Variants in CAMSAP3 observed in about 807,000 individuals in gnomAD.
CAMSAP3 encodes calmodulin-regulated spectrin-associated protein 3.
A neutral mutation model predicts 112.5 loss-of-function variants in CAMSAP3; 34 were observed. The observed-to-expected ratio is 0.30, with a 90% CI of 0.23 to 0.40. The LOEUF (loss-of-function observed/expected upper bound fraction) is 0.40. Ranked by LOEUF, CAMSAP3 falls within the 10% of genes least tolerant of loss-of-function variation. The probability of loss-of-function intolerance (pLI) is 1.00; values close to 1 mark genes in which losing one functional copy is unlikely to be tolerated. For synonymous variants in CAMSAP3, 868 were observed against 799.8 expected (o/e 1.09, Z -1.44); for missense variants, 1,602 against 1,770.3 (o/e 0.90, Z 1.71).
At chr19:7,606,209 T>TG in intron 2 of CAMSAP3, 62 bp from the exon 3 acceptor site, 1 of 1,347,934 alleles carries the variant, frequency 7.4e-7, no homozygotes, top group Non-Finnish European at 9.8e-7. Flanking sequence ...CCCAGGCCCT[T>TG]GGGGGCCGAG....
At chr19:7,598,830 C>A (rs529426182) in intron 1 of CAMSAP3, among the ~76,000 whole-genome samples, 1 of 151,958 alleles carries the variant, frequency 6.6e-6, no homozygotes, top group Non-Finnish European at 1.5e-5. Context: ...GAAAACACCC[C>A]ATGCAGTTCT....
rs369036309 is a variant in CAMSAP3 at position 7,610,643 on chromosome 19, C to T, written c.900+28C>T. On this transcript the variant is annotated intron_variant, in intron 6 of 16. Transcript: ENST00000160298. This position sits in a 1 kb window ranked among gnomAD's most constrained non-coding sequence, Gnocchi z 4.9. ...AAGGCCATCCTGGGGCCTCCTGGGC[C>T]GAGGCGGGCATCTGGGGCCAGGGGT... 5.4e-5 allele frequency: 87 copies of T among 1,613,630 alleles called. No individual in the cohort carries two copies. Among genetic ancestry groups the T allele is most frequent in the African/African-American group, 2.1e-4 (16 of 74,952 alleles).
Position 7,617,216 on chromosome 19 carries a change from C to T in CAMSAP3, c.3213-110C>T, listed in dbSNP as rs989065646. 25 of 785,516 alleles carry T rather than the reference C, an allele frequency of 3.2e-5. No individual in the cohort carries two copies. Among genetic ancestry groups the T allele is most frequent in the Non-Finnish European group, 4.3e-5 (19 of 446,228 alleles). The allele number at this position is 785,516 out of a possible 1,614,324, so 48.7% of individuals were successfully genotyped here. Reference sequence around the variant, plus strand: ...ACAGGCATGAGCCACGATGCCCAGCCGTGGCCCTTATTTTCCTTGGCCCCT... The same window carrying T: ...ACAGGCATGAGCCACGATGCCCAGCTGTGGCCCTTATTTTCCTTGGCCCCT... On this transcript the variant is annotated intron_variant, in intron 14 of 16. Transcript: ENST00000160298. The surrounding 1 kb of genome is among the most constrained non-coding windows in gnomAD (Gnocchi z 7.5).
chr19:7,611,114 C>T lies in CAMSAP3; in HGVS notation c.1069C>T (p.Arg357Cys), dbSNP rs184572684. 45 of 1,613,760 alleles carry T rather than the reference C, an allele frequency of 2.8e-5. No individual in the cohort carries two copies. The highest frequency in any genetic ancestry group is 2.3e-4 in the South Asian group (21 of 91,084). ...SGSSSPVFTF[R>C]HPLLSSGGPQ... The stretch of plus-strand genomic sequence containing the variant: ...GTACAGTTCTCCTGTCTTCACCTTC[C>T]GCCACCCGCTTCTGTCATCTGGTGG... Residue 357 changes from arginine to cysteine, a missense_variant, in exon 9 of 17, where the codon CGC becomes TGC. This residue lies in a region of CAMSAP3 where 1,100 missense variants were observed against 1,135.7 expected (regional missense o/e 0.97). Transcript: ENST00000160298. The surrounding 1 kb of genome is among the most constrained non-coding windows in gnomAD (Gnocchi z 6.9).
At chr19:7,603,331 C>A (rs576125562) in intron 1 of CAMSAP3, among the ~76,000 whole-genome samples, 19 of 151,868 alleles carry the variant, frequency 1.3e-4, no homozygotes, top group African/African-American at 4.6e-4. Context: ...TCTCCGGCCT[C>A]GGCTTCCCGA....
In CAMSAP3 at chr19:7,612,961, G is replaced by A. The variant is rs768879606; in HGVS notation, c.2468G>A (p.Arg823His). The change falls in exon 11 of 17, where the codon CGC becomes CAC. Residue 823 changes from arginine to histidine, a missense_variant. Arg to His is a conservative substitution (Grantham distance 29, BLOSUM62 0). Transcript: ENST00000160298. ...CCGAGCCAGGTGCCCGTGCAGACGCGCTCTTCCATCCTCCTGGCGGAGGAG... is the reference window on the plus strand; with the variant it reads ...CCGAGCCAGGTGCCCGTGCAGACGCACTCTTCCATCCTCCTGGCGGAGGAG... ...FSPSQVPVQT[R>H]SSILLAEETP... The A allele has an allele frequency of 5.6e-6, 9 of 1,605,268 alleles. No homozygotes were observed. The highest frequency in any genetic ancestry group is 2.7e-5 in the African/African-American group (2 of 74,558).
Position 7,615,718 on chromosome 19 carries a change from G to C in CAMSAP3, c.3111G>C (p.Leu1037=). ...CACGAAGCCCAGCCCGCGGCCTGCT[G>C]GGTGAGGACCCTTGGGGGACGGGGC... ...ALARSPARGL[L]GSRLSKIYSQ... The change falls in exon 13 of 17, where the codon CTG becomes CTC. Residue 1037 remains leucine, a splice_region_variant and synonymous_variant. Transcript: ENST00000160298. This position sits in a 1 kb window ranked among gnomAD's most constrained non-coding sequence, Gnocchi z 6.5. 1 of 1,403,468 alleles carries C rather than the reference G, an allele frequency of 7.1e-7. No homozygotes were observed. The highest frequency in any genetic ancestry group is 9.2e-7 in the Non-Finnish European group (1 of 1,085,600). The allele number at this position is 1,403,468 out of a possible 1,614,324, so 86.9% of individuals were successfully genotyped here. A position where few individuals can be genotyped will look rare whatever the true frequency, so the allele number is the denominator to read the frequency against.
chr19:7,606,676 GAC>G, intron 4 of CAMSAP3, 105 bp downstream of exon 4: 2 of 1,561,332 alleles, frequency 1.3e-6, no homozygotes, highest in African/African-American at 1.4e-5. Flanking sequence ...GGCTAGAGGT[GAC>G]ACACTCTCTC....
intron 1 of CAMSAP3, among the ~76,000 whole-genome samples, chr19:7,597,121 C>T (rs1199708902): frequency 6.6e-6 from 1 of 152,162 alleles, no homozygotes; most frequent in Non-Finnish European, 1.5e-5. Flanking sequence ...ACATCCTTTT[C>T]TCCCACTGGT....
chr19:7,610,671 C>T lies in CAMSAP3; in HGVS notation c.901-29C>T, dbSNP rs752090872. 17 of 1,613,778 alleles carry T rather than the reference C, an allele frequency of 1.1e-5. No individual in the cohort carries two copies. Among genetic ancestry groups the T allele is most frequent in the South Asian group, 4.4e-5 (4 of 91,090 alleles). On this transcript the variant is annotated intron_variant, in intron 6 of 16. Coordinates refer to ENST00000160298, the MANE Select transcript of CAMSAP3 (RefSeq NM_020902.2). The surrounding 1 kb of genome is among the most constrained non-coding windows in gnomAD (Gnocchi z 4.9). The stretch of plus-strand genomic sequence containing the variant: ...GGCGGGCATCTGGGGCCAGGGGTCC[C>T]GTCTGCTGACCCGGCCTCCCACCTC...
intron 2 of CAMSAP3, 94 bp from the exon 3 acceptor site, chr19:7,606,177 C>CCCA: frequency 8.7e-7 from 1 of 1,148,662 alleles, no homozygotes; most frequent in Non-Finnish European, 1.2e-6. Flanking sequence ...CAAGTCCCTC[C>CCCA]CATCTGCAGG....
rs774824838 is a variant in CAMSAP3, at chr19:7,605,374, C to T, written c.297C>T (p.Pro99=). Residue 99 remains proline, a synonymous_variant, in exon 2 of 17, where the codon CCC becomes CCT. Transcript: ENST00000160298. The part of the protein sequence containing the change: ...RQALPQLETP[P]NPSALLALLA... ...CACTGCCACAGCTTGAAACACCCCC[C>T]AACCCCTCTGCACTGCTGGCCCTGC... 1.3e-6 allele frequency: 2 copies of T among 1,592,082 alleles called. No individual in the cohort carries two copies. Among genetic ancestry groups the T allele is most frequent in the Admixed American group, 1.7e-5 (1 of 57,954 alleles).
At chr19:7,609,420 C>T (rs2030368180) in intron 5 of CAMSAP3, among the ~76,000 whole-genome samples, 1 of 151,984 alleles carries the variant, frequency 6.6e-6, no homozygotes, top group African/African-American at 2.4e-5. Flanking sequence ...CTCAGCCTCC[C>T]CAAGTGCTAA....
At chr19:7,606,898 G>A in intron 4 of CAMSAP3, 2 of 1,441,282 alleles carry the variant, frequency 1.4e-6, no homozygotes, top group East Asian at 2.3e-5. Flanking sequence ...CTGTCTGCGC[G>A]CCCTCTCATA....
chr19:7,606,924 A>G (rs2030256665), intron 4 of CAMSAP3: 3 of 1,163,852 alleles, frequency 2.6e-6, no homozygotes, highest in African/African-American at 1.5e-5. Flanking sequence ...CCAAGCTGTG[A>G]GCAAAGGAGG....
chr19:7,609,557 G>A (rs1468373745), intron 5 of CAMSAP3, among the ~76,000 whole-genome samples: 1 of 152,102 alleles, frequency 6.6e-6, no homozygotes, highest in African/African-American at 2.4e-5. Context: ...TCCAGGGACC[G>A]GTTTTGTGGA....
chr19:7,611,771 C>G lies in CAMSAP3; in HGVS notation c.1278C>G (p.Leu426=). ...DVDVVMGDPV[L]LRSVSSDSLG... Reference sequence around the variant, plus strand: ...ATGTCGTCATGGGAGACCCTGTGCTCCTCCGCTCTGTGAGCTCGGACAGCC... The same window carrying G: ...ATGTCGTCATGGGAGACCCTGTGCTGCTCCGCTCTGTGAGCTCGGACAGCC... The change falls in exon 11 of 17, where the codon CTC becomes CTG. Residue 426 remains leucine (L), a synonymous_variant. Coordinates refer to ENST00000160298, the MANE Select transcript of CAMSAP3 (RefSeq NM_020902.2). The surrounding 1 kb of genome is among the most constrained non-coding windows in gnomAD (Gnocchi z 6.9). 2.5e-6 allele frequency: 4 copies of G among 1,595,640 alleles called. No homozygotes were observed. Among genetic ancestry groups the G allele is most frequent in the Non-Finnish European group, 3.4e-6 (4 of 1,171,358 alleles).
chr19:7,602,108 G>C (rs1380090198), intron 1 of CAMSAP3, among the ~76,000 whole-genome samples: 1 of 152,174 alleles, frequency 6.6e-6, no homozygotes, highest in African/African-American at 2.4e-5. Context: ...GTATAAGGCA[G>C]TGGTTCTCAA....
chr19:7,597,766 C>G (rs2024469869), intron 1 of CAMSAP3, among the ~76,000 whole-genome samples: 1 of 152,114 alleles, frequency 6.6e-6, no homozygotes, highest in Non-Finnish European at 1.5e-5. Context: ...TCCATTATCC[C>G]CTGGCCAGGA....
Sources: allele counts gnomAD v4.1 joint callset (sites outside exome capture counted in the v4.1 genomes callset), GRCh38; gene constraint gnomAD v4.1.1; regional missense constraint gnomAD v4.1.1; non-coding constraint Gnocchi (gnomAD v3.1); transcripts MANE v1.5; gene names NCBI Gene and HGNC (gene_info 2026-07-23, HGNC 2026-07-21).